Variants in IP6K2 observed in about 807,000 individuals in gnomAD.
IP6K2 encodes the protein ATP:1D-myo-inositol-hexakisphosphate phosphotransferase.
Under a neutral mutation model 43.3 loss-of-function variants are expected in IP6K2, and 9 were observed. The ratio of observed to expected loss-of-function variants is 0.21; its 90% CI spans 0.13 to 0.36. The LOEUF is 0.36. Among genes scored for constraint, IP6K2 ranks in the 10% least tolerant of loss-of-function variants. The pLI, the probability that IP6K2 is intolerant of heterozygous loss-of-function variation, is 1.00. For synonymous variants in IP6K2, 209 were observed against 202.4 expected, an observed-to-expected ratio of 1.03 and a Z score of -0.28; for missense variants, 332 against 538.4, an observed-to-expected ratio of 0.62 and a Z score of 3.79.
Position 48,693,730 on chromosome 3 carries a change from C to T in IP6K2, c.203-551G>A, listed in dbSNP as rs377058123. 4.5e-5 allele frequency: 47 copies of T among 1,042,700 alleles called. 1 individual carries two copies. In the East Asian group the frequency reaches 1.9e-3, roughly 41 times the overall value. The allele number at this position is 1,042,700 out of a possible 1,614,324, so 64.6% of individuals were successfully genotyped here. A position where few individuals can be genotyped will look rare whatever the true frequency, so the allele number is the denominator to read the frequency against. On this transcript the variant is annotated intron_variant, in intron 2 of 5. Transcript: ENST00000328631. The stretch of plus-strand genomic sequence containing the variant: ...CACAAGACACCCTAGCAAAGGCTTC[C>T]CACAGTGCCCCCACACGGGTAGGCA...
intron 1 of IP6K2, among the ~76,000 whole-genome samples, chr3:48,707,484 G>T (rs1169966380): frequency 6.6e-6 from 1 of 152,188 alleles, no homozygotes; most frequent in African/African-American, 2.4e-5. Flanking sequence ...GCCCAGGCTG[G>T]AGTGCAATGG....
chr3:48,714,142 A>G (rs1429040995), intron 1 of IP6K2, among the ~76,000 whole-genome samples: 1 of 152,204 alleles, frequency 6.6e-6, no homozygotes, highest in Admixed American at 6.5e-5. Flanking sequence ...AAACAAAACA[A>G]AAAACCCCTG....
intron 1 of IP6K2, among the ~76,000 whole-genome samples, chr3:48,705,374 T>G (rs1315614357): frequency 1.3e-5 from 2 of 151,916 alleles, no homozygotes; most frequent in African/African-American, 4.8e-5. Flanking sequence ...TGATAAACTT[T>G]TAAGTTATAA....
At chr3:48,715,714 CTT>C (rs1210821366) in intron 1 of IP6K2, among the ~76,000 whole-genome samples, 11 of 141,998 alleles carry the variant, frequency 7.7e-5, no homozygotes, top group African/African-American at 1.3e-4. Flanking sequence ...CTCTCTCTCT[CTT>C]TTTTTTTTTT....
At chr3:48,704,638 ATTT>A (rs2079483665) in intron 1 of IP6K2, among the ~76,000 whole-genome samples, 1 of 152,082 alleles carries the variant, frequency 6.6e-6, no homozygotes, top group Admixed American at 6.6e-5. Context: ...TATCTGGCTA[ATTT>A]TTGTATTTCT....
At chr3:48,713,958 A>T (rs2080862236) in intron 1 of IP6K2, among the ~76,000 whole-genome samples, 1 of 151,980 alleles carries the variant, frequency 6.6e-6, no homozygotes, top group Non-Finnish European at 1.5e-5. Flanking sequence ...CTCTACTAAA[A>T]ATACAAAAAT....
chr3:48,694,910 TGAAAA>T, intron 2 of IP6K2, 175 bp downstream of exon 2: 1 of 1,544,736 alleles, frequency 6.5e-7, no homozygotes, highest in Non-Finnish European at 8.7e-7. Flanking sequence ...TACCAGGGAT[TGAAAA>T]CTGAGGGTGT....
intron 1 of IP6K2, among the ~76,000 whole-genome samples, chr3:48,701,162 G>A (rs2078985948): frequency 6.6e-6 from 1 of 152,040 alleles, no homozygotes; most frequent in South Asian, 2.1e-4. Context: ...TTGAGGTCAG[G>A]AGTTTGAAAC....
rs1219009546 is a variant in IP6K2 at position 48,695,097 on chromosome 3, C to A, written c.195G>T (p.Gln65His). Residue 65 changes from glutamine to histidine, a missense_variant, in exon 2 of 6, where the codon CAG (glutamine) becomes CAT (histidine). Coordinates refer to ENST00000328631, the MANE Select transcript of IP6K2 (RefSeq NM_016291.4). The surrounding 1 kb of genome is among the most constrained non-coding windows in gnomAD (Gnocchi z 4.6). ...CCAGCAGCTGGGACTTACCTTTGTA[C>A]TGGGGAGTGAATTTGCGCATCTCAG... Reference protein sequence around the residue: ...LPAEMRKFTPQYKGVVSVRFE... With the variant: ...LPAEMRKFTPHYKGVVSVRFE... The A allele has an allele frequency of 1.2e-6, 2 of 1,613,372 alleles. No individual in the cohort carries two copies. Among genetic ancestry groups the A allele is most frequent in the Non-Finnish European group, 8.5e-7 (1 of 1,179,306 alleles).
At chr3:48,711,613 A>G (rs184003915) in intron 1 of IP6K2, among the ~76,000 whole-genome samples, 45 of 152,344 alleles carry the variant, frequency 3.0e-4, no homozygotes, top group Admixed American at 2.4e-3. Flanking sequence ...AAGGAATGAC[A>G]CCTTTTACTG....
intron 1 of IP6K2, among the ~76,000 whole-genome samples, chr3:48,698,405 G>A (rs1047665638): frequency 1.3e-5 from 2 of 152,098 alleles, no homozygotes; most frequent in Non-Finnish European, 2.9e-5. Flanking sequence ...CAGCACTTTG[G>A]GAGACCAAGG....
At chr3:48,703,997 TAGG>T (rs1245912638) in intron 1 of IP6K2, among the ~76,000 whole-genome samples, 2 of 151,024 alleles carry the variant, frequency 1.3e-5, no homozygotes, top group African/African-American at 4.9e-5. Flanking sequence ...GAGGCTGAGG[TAGG>T]AGAATTGCTT....
rs1344673855 is a variant in IP6K2, at chr3:48,688,951, G to A, written c.781-178C>T. 2.6e-5 allele frequency among the ~76,000 whole-genome samples: 4 copies of A among 152,220 alleles called. No homozygotes were observed. Among genetic ancestry groups the A allele is most frequent in the African/African-American group, 7.2e-5 (3 of 41,450 alleles). ...CTGATCAGCCCCCACCTGGGATGCA[G>A]CCATCCAACCTGGGTTTGGTCATTG... On this transcript the variant is annotated intron_variant, in intron 5 of 5. Coordinates refer to ENST00000328631, the MANE Select transcript of IP6K2 (RefSeq NM_016291.4). This position sits in a 1 kb window ranked among gnomAD's most constrained non-coding sequence, Gnocchi z 5.1.
chr3:48,694,687 G>C, intron 2 of IP6K2: 1 of 1,505,940 alleles, frequency 6.6e-7, no homozygotes, highest in South Asian at 1.3e-5. Flanking sequence ...GCTGCTCCCC[G>C]GCCTACCTAA....
chr3:48,708,646 T>C (rs2080110591), intron 1 of IP6K2, among the ~76,000 whole-genome samples: 1 of 143,334 alleles, frequency 7.0e-6, no homozygotes, highest in African/African-American at 2.7e-5. Context: ...TCCCACCACA[T>C]TGTAAGAAAC....
At position 48,695,389 on chromosome 3, in the gene IP6K2, G is replaced by A. The variant is rs187659356; in HGVS notation, c.-98C>T. ...TTTGTCCGTGTGTCCCTCTCGTCTT[G>A]GCTCCTTGGCTTGTTCTGGCCAGGA... On this transcript the variant is annotated 5_prime_UTR_variant, in exon 2 of 6. Coordinates refer to ENST00000328631, the MANE Select transcript of IP6K2 (RefSeq NM_016291.4). This position sits in a 1 kb window ranked among gnomAD's most constrained non-coding sequence, Gnocchi z 4.6. 250 of 1,459,128 alleles carry A rather than the reference G, an allele frequency of 1.7e-4. No homozygotes were observed. In the African/African-American group the frequency reaches 2.9e-3, roughly 17 times the overall value. 90.4% of individuals were successfully genotyped at this position (1,459,128 alleles called of 1,614,324 possible). A position where few individuals can be genotyped will look rare whatever the true frequency, so the allele number is the denominator to read the frequency against.
intron 1 of IP6K2, among the ~76,000 whole-genome samples, chr3:48,710,103 G>A (rs2080310749): frequency 6.6e-6 from 1 of 152,152 alleles, no homozygotes; most frequent in Admixed American, 6.5e-5. Context: ...GCACGCATTT[G>A]AGGCCAGGCA....
intron 3 of IP6K2, among the ~76,000 whole-genome samples, chr3:48,692,128 C>G (rs80118683): frequency 6.6e-6 from 1 of 152,114 alleles, no homozygotes; most frequent in African/African-American, 2.4e-5. Context: ...CCACCGCACC[C>G]GGCCAGAAAC....
intron 1 of IP6K2, among the ~76,000 whole-genome samples, chr3:48,716,688 C>G (rs1162600800): frequency 1.3e-5 from 2 of 152,172 alleles, no homozygotes; most frequent in Non-Finnish European, 2.9e-5. Context: ...CTGCCGACCC[C>G]AGGTAACAGT....
Sources: allele counts gnomAD v4.1 joint callset (sites outside exome capture counted in the v4.1 genomes callset), GRCh38; gene constraint gnomAD v4.1.1; non-coding constraint Gnocchi (gnomAD v3.1); transcripts MANE v1.5; gene names NCBI Gene and HGNC (gene_info 2026-07-23, HGNC 2026-07-21).